ZNF638: variants seen among roughly 807,000 people sequenced by gnomAD.
The protein encoded by ZNF638 is zinc finger protein 638.
In ZNF638, 46 loss-of-function variants were observed where a neutral mutation model predicts 195.6. The observed-to-expected ratio is 0.24, with a 90% confidence interval of 0.19 to 0.30. The LOEUF (loss-of-function observed/expected upper bound fraction) is 0.30, where lower values mean the gene tolerates loss of function less well. Among genes scored for constraint, ZNF638 ranks in the 10% least tolerant of loss-of-function variants. The pLI, the probability that ZNF638 is intolerant of heterozygous loss-of-function variation, is 1.00. For missense variants in ZNF638, 2,440 were observed against 2,325.3 expected (o/e 1.05, Z -1.01); for synonymous variants, 845 against 772.0 (o/e 1.09, Z -1.57).
chr2:71,334,991 C>T (rs1027543452), intron 1 of ZNF638, among the ~76,000 whole-genome samples: 2 of 151,868 alleles, frequency 1.3e-5, no homozygotes, highest in African/African-American at 4.8e-5. Flanking sequence ...AAAGAAAGTC[C>T]AGGGTTTTGG....
At chr2:71,384,030 G>A (rs972065512) in intron 10 of ZNF638, among the ~76,000 whole-genome samples, 2 of 151,780 alleles carry the variant, frequency 1.3e-5, no homozygotes, top group East Asian at 1.9e-4. Context: ...CTAATCATCC[G>A]GTAGAGTAGT....
intron 10 of ZNF638, among the ~76,000 whole-genome samples, chr2:71,383,912 G>A (rs889320693): frequency 8.6e-5 from 13 of 151,244 alleles, no homozygotes; most frequent in Admixed American, 1.3e-4. Flanking sequence ...CTCTTCCTGG[G>A]TGATTTCTTT....
At chr2:71,394,921 C>T (rs112461051) in intron 10 of ZNF638, among the ~76,000 whole-genome samples, 80 of 152,244 alleles carry the variant, frequency 5.3e-4, no homozygotes, top group African/African-American at 1.8e-3. Flanking sequence ...TGACAAGATG[C>T]GCTGGCATTC....
At chr2:71,373,650 C>T (rs1040838724) in intron 8 of ZNF638, among the ~76,000 whole-genome samples, 4 of 151,206 alleles carry the variant, frequency 2.6e-5, no homozygotes, top group African/African-American at 9.7e-5. Flanking sequence ...GATCTCCTGA[C>T]CTCGTGATCC....
intron 10 of ZNF638, chr2:71,395,636 C>T (rs774374934): frequency 2.9e-5 from 16 of 549,370 alleles, no homozygotes; most frequent in Non-Finnish European, 5.2e-5. Context: ...TGTGTTGGCT[C>T]CAGGCCTTTG....
At chr2:71,375,514 C>G (rs1197988506) in intron 8 of ZNF638, 9 of 152,074 alleles carry the variant, frequency 5.9e-5, no homozygotes, top group Non-Finnish European at 1.0e-4. Flanking sequence ...GTTTTCTTTT[C>G]TGGAAAGAGT....
At chr2:71,383,744 CTTTTTTTTTTTCTTTTTCT>C (rs1195663883) in intron 10 of ZNF638, among the ~76,000 whole-genome samples, 2 of 92,532 alleles carry the variant, frequency 2.2e-5, no homozygotes, top group Admixed American at 1.1e-4. Flanking sequence ...GCTAATTTTT[CTTTTTTTTTTTCTTTTTCT>C]TTTTTTTTTT....
At chr2:71,364,946 T>C (rs1244530158) in intron 5 of ZNF638, among the ~76,000 whole-genome samples, 1 of 152,214 alleles carries the variant, frequency 6.6e-6, no homozygotes, top group African/African-American at 2.4e-5. Flanking sequence ...TTTAGGTTCT[T>C]CTTTTAAGCT....
intron 19 of ZNF638, chr2:71,407,229 T>TA (rs2080123799): frequency 6.6e-6 from 1 of 152,220 alleles, no homozygotes; most frequent in South Asian, 2.1e-4. Flanking sequence ...ATTTCTTTGA[T>TA]ATGCTTCTGA....
At chr2:71,424,583 T>C (rs2080499093) in intron 22 of ZNF638, 67 bp from the exon 23 acceptor site, 4 of 1,377,002 alleles carry the variant, frequency 2.9e-6, no homozygotes, top group Non-Finnish European at 2.0e-6. Flanking sequence ...TTTTTGTTTT[T>C]TTTTCCAGAA....
At chr2:71,431,262 C>T in intron 25 of ZNF638, 65 bp from the exon 26 acceptor site, 2 of 1,372,656 alleles carry the variant, frequency 1.5e-6, no homozygotes, top group Admixed American at 2.0e-5. Context: ...AAGAATTATC[C>T]AATGTTAACT....
intron 3 of ZNF638, among the ~76,000 whole-genome samples, chr2:71,360,935 G>A (rs1041591439): frequency 6.6e-6 from 1 of 152,108 alleles, no homozygotes; most frequent in Admixed American, 6.5e-5. Context: ...TCTGCTCTGG[G>A]CAGCAGAGAT....
chr2:71,401,877 AACATGATAC>A, intron 15 of ZNF638, 70 bp from the exon 16 acceptor site: 1 of 1,243,604 alleles, frequency 8.0e-7, no homozygotes, highest in Non-Finnish European at 1.1e-6. Context: ...ATACTAATAT[AACATGATAC>A]ACAGTATAAA....
chr2:71,393,975 A>AT (rs1296286299), intron 10 of ZNF638, among the ~76,000 whole-genome samples: 3 of 152,192 alleles, frequency 2.0e-5, no homozygotes, highest in Non-Finnish European at 4.4e-5. Flanking sequence ...TTGCCTTAAC[A>AT]TTCTTGTGCC....
At position 71,366,084 on chromosome 2, in the gene ZNF638, C is replaced by T. The variant is rs113277234; in HGVS notation, c.1995+378C>T. On this transcript the variant is annotated intron_variant, in intron 6 of 27. Coordinates refer to ENST00000264447, the MANE Select transcript of ZNF638 (RefSeq NM_014497.5). Reference sequence around the variant, plus strand: ...ACAAAGTTGTTGCCAGGCATGGTGGCTTATGCCTGAATCCCAGCACTTTGG... The same window carrying T: ...ACAAAGTTGTTGCCAGGCATGGTGGTTTATGCCTGAATCCCAGCACTTTGG... Among the ~76,000 whole-genome samples, 1,446 of 152,278 alleles carry T rather than the reference C, an allele frequency of 9.5e-3. 22 individuals carry two copies. The highest frequency in any genetic ancestry group is 0.033 in the African/African-American group (1,374 of 41,558).
At chr2:71,400,864 G>A (rs1055836554) in intron 15 of ZNF638, among the ~76,000 whole-genome samples, 7 of 152,102 alleles carry the variant, frequency 4.6e-5, no homozygotes, top group Non-Finnish European at 7.4e-5. Context: ...TTTCTTAGAG[G>A]TAAATGGGAG....
rs187522904 is a variant in ZNF638, at chr2:71,419,866, C to T, written c.3299+1227C>T. Among the ~76,000 whole-genome samples the T allele has an allele frequency of 2.2e-3, 321 of 148,626 alleles. 2 individuals carry two copies. The highest frequency in any genetic ancestry group is 7.6e-3 in the African/African-American group (305 of 40,350). ...TTCTCCTCTCATTGTTTAGACATAG[C>T]TTTTAAAATTGAATATATTTCTTAA... On this transcript the variant is annotated intron_variant, in intron 21 of 27. Transcript: ENST00000264447.
chr2:71,355,992 A>G (rs1211136600), intron 3 of ZNF638, among the ~76,000 whole-genome samples: 1 of 152,176 alleles, frequency 6.6e-6, no homozygotes, highest in African/African-American at 2.4e-5. Context: ...TTCTAACTTA[A>G]TTCCCAGTAG....
chr2:71,425,322 A>G (rs910827419), intron 23 of ZNF638, among the ~76,000 whole-genome samples: 6 of 152,090 alleles, frequency 3.9e-5, no homozygotes. Flanking sequence ...AGAAATAAGG[A>G]TTATGGCTAC....
Sources: gnomAD v4.1 joint callset for allele counts (sites outside exome capture counted in the v4.1 genomes callset) on GRCh38, gnomAD v4.1.1 for gene constraint, MANE v1.5 for transcripts, NCBI Gene and HGNC (gene_info 2026-07-23, HGNC 2026-07-21) for gene names.